The following DPP9 variants were observed in gnomAD, a reference collection of about 807,000 sequenced individuals.
DPP9 encodes dipeptidyl peptidase 9, also known as dipeptidyl peptidase IV-related protein-2.
A neutral mutation model predicts 110.7 loss-of-function variants in DPP9; 50 were observed. That is an observed-to-expected ratio of 0.45 (90% confidence interval 0.36 to 0.57). The LOEUF is 0.57. Among genes scored for constraint, DPP9 ranks in the 20% least tolerant of loss-of-function variants. The pLI, the probability that DPP9 is intolerant of heterozygous loss-of-function variation, is 0.00. For missense variants in DPP9, 1,022 were observed against 1,217.9 expected (o/e 0.84, Z 2.39); for synonymous variants, 561 against 514.4 (o/e 1.09, Z -1.23).
chr19:4,683,279 C>G (rs1396339548), intron 19 of DPP9, 198 bp downstream of exon 19: 5 of 1,436,848 alleles, frequency 3.5e-6, no homozygotes, highest in Non-Finnish European at 3.6e-6. Flanking sequence ...ATCCTGCGGT[C>G]GGCGGTGGCG....
intron 19 of DPP9, 171 bp from the exon 20 acceptor site, chr19:4,683,009 G>A: frequency 6.5e-7 from 1 of 1,527,182 alleles, no homozygotes; most frequent in Non-Finnish European, 8.8e-7. Context: ...CCCGTGGACG[G>A]TGCGTGGCAT....
chr19:4,683,398 GGGCGGTGGGCAAACGC>G (rs748981644), intron 19 of DPP9, 63 bp downstream of exon 19: 19 of 1,584,518 alleles, frequency 1.2e-5, no homozygotes, highest in Non-Finnish European at 1.4e-5. Flanking sequence ...CGGGTGGCGC[GGGCGGTGGGCAAACGC>G]GGCGTAGATG....
At chr19:4,681,563 CTATTAT>C (rs1333347255) in intron 20 of DPP9, among the ~76,000 whole-genome samples, 1 of 148,690 alleles carries the variant, frequency 6.7e-6, no homozygotes, top group Non-Finnish European at 1.5e-5. Flanking sequence ...CGTTCCTGGC[CTATTAT>C]TATTATTATT....
rs1391578856 is a variant in DPP9 at position 4,695,884 on chromosome 19, CTTTAT to C, written c.1176-334_1176-330del. Among the ~76,000 whole-genome samples, 3 of 152,086 alleles carry C rather than the reference CTTTAT, an allele frequency of 2.0e-5. No individual in the cohort carries two copies. The highest frequency in any genetic ancestry group is 7.2e-5 in the African/African-American group (3 of 41,406). On this transcript the variant is annotated intron_variant, in intron 11 of 21. Transcript: ENST00000262960. The surrounding 1 kb of genome is among the most constrained non-coding windows in gnomAD (Gnocchi z 4.7). ...TCGCTATCCTTTATTTCGTAGTTTG[CTTTAT>C]TTTATTTATTTATTTCTTTATTTAA... is the stretch of plus-strand genomic sequence containing the variant.
intron 16 of DPP9, chr19:4,686,097 G>T: frequency 5.0e-6 from 1 of 199,512 alleles, no homozygotes; most frequent in East Asian, 1.3e-4. Context: ...GATGGTGGGG[G>T]TTTTTCTGTT....
Position 4,705,777 on chromosome 19 carries a change from C to T in DPP9, c.426+81G>A, listed in dbSNP as rs532674355. ...ACAGCCGGTGGGGCAGAGAGGTGAC[C>T]GAAGGCATGTATGGCCTGTGGGGCT... On this transcript the variant is annotated intron_variant, in intron 5 of 21. Coordinates refer to ENST00000262960, the MANE Select transcript of DPP9 (RefSeq NM_139159.5). The T allele has an allele frequency of 2.0e-3, 2,752 of 1,380,162 alleles. 4 individuals are homozygous for T. Among genetic ancestry groups the T allele is most frequent in the Non-Finnish European group, 2.6e-3 (2,560 of 983,380 alleles). The allele number at this position is 1,380,162 out of a possible 1,614,324, so 85.5% of individuals were successfully genotyped here. A position where few individuals can be genotyped will look rare whatever the true frequency, so the allele number is the denominator to read the frequency against.
At chr19:4,703,225 G>A (rs560227225) in intron 7 of DPP9, among the ~76,000 whole-genome samples, 3 of 152,102 alleles carry the variant, frequency 2.0e-5, no homozygotes, top group African/African-American at 7.2e-5. Flanking sequence ...TGACTTGATG[G>A]GGCTGGACAG....
chr19:4,713,012 C>T (rs1290386512), intron 4 of DPP9, among the ~76,000 whole-genome samples: 1 of 152,198 alleles, frequency 6.6e-6, no homozygotes, highest in African/African-American at 2.4e-5. Flanking sequence ...GACAAGGATC[C>T]CAGCGCCACC....
intron 10 of DPP9, among the ~76,000 whole-genome samples, chr19:4,699,794 G>GA (rs2092105437): frequency 6.6e-6 from 1 of 152,194 alleles, no homozygotes; most frequent in South Asian, 2.1e-4. Flanking sequence ...AACGCTGGAG[G>GA]AAACAGCCCG....
At chr19:4,720,091 C>T (rs1293146544) in intron 2 of DPP9, 150 bp from the exon 3 acceptor site, 7 of 669,170 alleles carry the variant, frequency 1.0e-5, no homozygotes, top group African/African-American at 7.2e-5. Context: ...TCTGAAGAGA[C>T]GATGCTTCAG....
At chr19:4,713,278 C>G (rs2092918171) in intron 4 of DPP9, among the ~76,000 whole-genome samples, 2 of 152,360 alleles carry the variant, frequency 1.3e-5, no homozygotes, top group East Asian at 3.9e-4. Flanking sequence ...TCCAAGGTGT[C>G]CTTCCTCCCA....
intron 4 of DPP9, among the ~76,000 whole-genome samples, chr19:4,713,849 T>C (rs115770213): frequency 0.02 from 3,088 of 152,216 alleles, 118 homozygotes; most frequent in African/African-American, 0.07. Flanking sequence ...GGGGCTGCCC[T>C]GTGCATGGCT....
chr19:4,689,626 C>A lies in DPP9; in HGVS notation c.1693G>T (p.Gly565Cys), dbSNP rs370177829. Residue 565 changes from glycine (G) to cysteine (C), a missense_variant, in exon 15 of 22, where the codon GGC (glycine) becomes TGC (cysteine). Coordinates refer to ENST00000262960, the MANE Select transcript of DPP9 (RefSeq NM_139159.5). The surrounding 1 kb of genome is among the most constrained non-coding windows in gnomAD (Gnocchi z 7.0). ...GGCGTGGTGAGGCGTACGATCTCGCCGGCCGCCTCATAGCTGACCACGTAG... is the reference window on the plus strand; with the variant it reads ...GGCGTGGTGAGGCGTACGATCTCGCAGGCCGCCTCATAGCTGACCACGTAG... ...HLYVVSYEAA[G>C]EIVRLTTPGF... 1 of 1,572,436 alleles carries A rather than the reference C, an allele frequency of 6.4e-7. No homozygotes were observed. The highest frequency in any genetic ancestry group is 8.6e-7 in the Non-Finnish European group (1 of 1,159,218).
At chr19:4,712,355 C>T (rs768257480) in intron 4 of DPP9, among the ~76,000 whole-genome samples, 1 of 152,100 alleles carries the variant, frequency 6.6e-6, no homozygotes, top group African/African-American at 2.4e-5. Context: ...TCAAGACCAG[C>T]TTGGGCAACA....
Position 4,697,622 on chromosome 19 carries a change from C to T in DPP9, c.1104G>A (p.Val368=), listed in dbSNP as rs567776990. ...KIVSTQEKEL[V]QPFSSLFPKV... Reference sequence around the variant, plus strand: ...TCGGGAACAGCGAGCTGAAGGGCTGCACCAGCTCCTTCTCCTGGGTCGAGA... The same window carrying T: ...TCGGGAACAGCGAGCTGAAGGGCTGTACCAGCTCCTTCTCCTGGGTCGAGA... Residue 368 remains valine, a synonymous_variant, in exon 11 of 22, where the codon GTG becomes GTA. Transcript: ENST00000262960. 23 of 1,613,776 alleles carry T rather than the reference C, an allele frequency of 1.4e-5. No homozygotes were observed. The East Asian group carries it at 2.7e-4, about 19-fold the overall frequency.
intron 3 of DPP9, among the ~76,000 whole-genome samples, chr19:4,715,136 C>CA (rs2093022854): frequency 6.8e-6 from 1 of 148,036 alleles, no homozygotes. Flanking sequence ...TCTCCTGCCT[C>CA]AGCCTCCCAA....
At chr19:4,702,469 C>T (rs1224298827) in intron 8 of DPP9, 134 bp downstream of exon 8, 1 of 739,194 alleles carries the variant, frequency 1.4e-6, no homozygotes, top group African/African-American at 1.8e-5. Context: ...CGTTAAGGAA[C>T]TCTCTAGGTG....
Position 4,676,621 on chromosome 19 carries a change from G to C in DPP9, c.2622C>G (p.Pro874=), listed in dbSNP as rs1437037680. The part of the protein sequence containing the change: ...YPNERHSIRC[P]ESGEHYEVTL... ...TGACTTCATAGTGCTCGCCCGACTCGGGGCAGCGAATACTGTGTCTCTCGT... is the reference window on the plus strand; with the variant it reads ...TGACTTCATAGTGCTCGCCCGACTCCGGGCAGCGAATACTGTGTCTCTCGT... Residue 874 remains proline, a synonymous_variant, in exon 22 of 22, where the codon CCC becomes CCG. Coordinates refer to ENST00000262960, the MANE Select transcript of DPP9 (RefSeq NM_139159.5). This position sits in a 1 kb window ranked among gnomAD's most constrained non-coding sequence, Gnocchi z 4.0. The C allele has an allele frequency of 5.0e-6, 8 of 1,608,864 alleles. No homozygotes were observed. Among genetic ancestry groups the C allele is most frequent in the South Asian group, 1.1e-5 (1 of 90,076 alleles).
intron 14 of DPP9, among the ~76,000 whole-genome samples, chr19:4,690,067 C>A (rs1293014242): frequency 2.0e-5 from 3 of 152,220 alleles, no homozygotes; most frequent in East Asian, 1.9e-4. Context: ...AACAGAGGCT[C>A]AGGGAAACCC....
Sources: allele counts gnomAD v4.1 joint callset (sites outside exome capture counted in the v4.1 genomes callset), GRCh38; gene constraint gnomAD v4.1.1; non-coding constraint Gnocchi (gnomAD v3.1); transcripts MANE v1.5; gene names NCBI Gene and HGNC (gene_info 2026-07-23, HGNC 2026-07-21).